Variants in ECT2 observed in about 807,000 individuals in gnomAD.
ECT2 encodes the protein epithelial cell transforming 2.
Under a neutral mutation model 116.9 loss-of-function variants are expected in ECT2, and 61 were observed. That is an observed-to-expected ratio of 0.52 (90% confidence interval 0.42 to 0.65). The LOEUF (loss-of-function observed/expected upper bound fraction) is 0.65. Ranked by LOEUF, ECT2 falls within the 30% of genes least tolerant of loss-of-function variation. ECT2 has a pLI of 0.00. For synonymous variants in ECT2, 358 were observed against 346.4 expected, an observed-to-expected ratio of 1.03 and a Z score of -0.37; for missense variants, 937 against 1,078.7, an observed-to-expected ratio of 0.87 and a Z score of 1.84.
chr3:172,776,789 A>G (rs892603795), intron 14 of ECT2, among the ~76,000 whole-genome samples: 3 of 152,162 alleles, frequency 2.0e-5, no homozygotes, highest in Admixed American at 1.3e-4. Context: ...TATCATCTCA[A>G]TAACAGCATT....
rs753570358 is a variant in ECT2, at chr3:172,773,572, G to C, written c.1429-331G>C. Among the ~76,000 whole-genome samples, 104 of 152,132 alleles carry C rather than the reference G, an allele frequency of 6.8e-4. 2 individuals carry two copies. The highest frequency in any genetic ancestry group is 2.5e-4 in the Non-Finnish European group (17 of 68,014). On this transcript the variant is annotated intron_variant, in intron 13 of 24. Transcript: ENST00000392692. ...GTCTGGAGGCAGCAGATTGCTTGTT[G>C]CTTTCATCCTTAGTAACTTGAATAC...
Position 172,788,146 on chromosome 3 carries a change from G to A in ECT2, c.1907+1572G>A, listed in dbSNP as rs566056699. The stretch of plus-strand genomic sequence containing the variant: ...AGAATTTTACCAGATCTAAATTCTC[G>A]AGATTCTTGAACATTTAGCCTAGAG... On this transcript the variant is annotated intron_variant, in intron 18 of 24. Transcript: ENST00000392692. 2.9e-4 allele frequency among the ~76,000 whole-genome samples: 44 copies of A among 152,178 alleles called. No individual in the cohort carries two copies. In the South Asian group the frequency reaches 5.2e-3, roughly 18 times the overall value.
chr3:172,759,115 TAAATTA>T, intron 6 of ECT2, 46 bp downstream of exon 6: 1 of 1,375,224 alleles, frequency 7.3e-7, no homozygotes, highest in East Asian at 2.3e-5. Context: ...TACAGCAAAA[TAAATTA>T]AAATTGGCTT....
chr3:172,774,712 C>T (rs1721335523), intron 14 of ECT2, among the ~76,000 whole-genome samples: 1 of 152,118 alleles, frequency 6.6e-6, no homozygotes, highest in East Asian at 1.9e-4. Flanking sequence ...CTGTGTTGCC[C>T]AGGCTGGTCT....
chr3:172,785,836 C>T (rs1181622650), intron 17 of ECT2, among the ~76,000 whole-genome samples: 3 of 152,148 alleles, frequency 2.0e-5, no homozygotes, highest in African/African-American at 7.2e-5. Flanking sequence ...CTTTAGGTTT[C>T]CAAAACATTG....
At chr3:172,770,822 GA>G (rs1383656545) in intron 13 of ECT2, among the ~76,000 whole-genome samples, 9 of 151,814 alleles carry the variant, frequency 5.9e-5, no homozygotes, top group Admixed American at 5.9e-4. Context: ...AAGTGTTAAA[GA>G]TTTTTTTTTT....
intron 20 of ECT2, among the ~76,000 whole-genome samples, chr3:172,803,743 C>T (rs1560011113): frequency 6.6e-6 from 1 of 151,880 alleles, no homozygotes; most frequent in Non-Finnish European, 1.5e-5. Context: ...TAAGGAGTTT[C>T]CTTTTCTTTT....
At chr3:172,779,760 G>A (rs1722362058) in intron 14 of ECT2, among the ~76,000 whole-genome samples, 1 of 152,042 alleles carries the variant, frequency 6.6e-6, no homozygotes, top group African/African-American at 2.4e-5. Context: ...AAAACAGCTG[G>A]CTGTGGTGGC....
At chr3:172,784,570 T>G in intron 16 of ECT2, 137 bp from the exon 17 acceptor site, 2 of 621,574 alleles carry the variant, frequency 3.2e-6, no homozygotes, top group Non-Finnish European at 5.6e-6. Flanking sequence ...AGCCAAGTAA[T>G]CAGCCACGGA....
rs574377311 is a variant in ECT2, at chr3:172,777,601, A to G, written c.1548+3579A>G. 7.2e-5 allele frequency among the ~76,000 whole-genome samples: 11 copies of G among 152,300 alleles called. No individual in the cohort carries two copies. In the East Asian group the frequency reaches 2.1e-3, roughly 29 times the overall value. On this transcript the variant is annotated intron_variant, in intron 14 of 24. Transcript: ENST00000392692. Reference sequence around the variant, plus strand: ...ATTAAACATCATTAATCCTTGATGTACAATTTTCTGCTCTTAGCTTGGCAC... The same window carrying G: ...ATTAAACATCATTAATCCTTGATGTGCAATTTTCTGCTCTTAGCTTGGCAC...
At chr3:172,781,801 T>TA (rs1422560836) in intron 14 of ECT2, among the ~76,000 whole-genome samples, 3 of 152,168 alleles carry the variant, frequency 2.0e-5, no homozygotes, top group African/African-American at 7.2e-5. Context: ...TTAAATAAAT[T>TA]AAAAAAACCT....
At chr3:172,775,013 C>G (rs1357873980) in intron 14 of ECT2, among the ~76,000 whole-genome samples, 1 of 152,208 alleles carries the variant, frequency 6.6e-6, no homozygotes, top group Non-Finnish European at 1.5e-5. Context: ...AGTCCCTTCT[C>G]CATTTATAGG....
chr3:172,764,068 A>G (rs1718853087), intron 11 of ECT2, among the ~76,000 whole-genome samples: 1 of 152,230 alleles, frequency 6.6e-6, no homozygotes, highest in African/African-American at 2.4e-5. Flanking sequence ...GTGGCTATGA[A>G]GAAAAATGAG....
At position 172,755,627 on chromosome 3, in the gene ECT2, A is replaced by G. The variant is rs1283215095; in HGVS notation, c.303+52A>G. 3.1e-6 allele frequency: 3 copies of G among 966,766 alleles called. No homozygotes were observed. The Middle Eastern group carries it at 6.8e-4, about 219-fold the overall frequency. The allele number at this position is 966,766 out of a possible 1,614,324, so 59.9% of individuals were successfully genotyped here. On this transcript the variant is annotated intron_variant, in intron 4 of 24. Coordinates refer to ENST00000392692, the MANE Select transcript of ECT2 (RefSeq NM_001258315.2). ...GGCATGCTGCACTTCCCTTGATTGT[A>G]TTATTCTACTTTCTGGTGATTGGAA... is the stretch of plus-strand genomic sequence containing the variant.
chr3:172,789,339 G>T (rs1205843481), intron 18 of ECT2, among the ~76,000 whole-genome samples: 2 of 151,714 alleles, frequency 1.3e-5, no homozygotes, highest in Non-Finnish European at 2.9e-5. Context: ...GAGTAGCCGG[G>T]ATTACAGATG....
chr3:172,781,216 A>G (rs953087756), intron 14 of ECT2, among the ~76,000 whole-genome samples: 2 of 152,214 alleles, frequency 1.3e-5, no homozygotes, highest in African/African-American at 2.4e-5. Flanking sequence ...AACAAAAATA[A>G]TTAGTAAGGG....
chr3:172,763,914 G>A (rs1718818319), intron 11 of ECT2, among the ~76,000 whole-genome samples: 1 of 152,196 alleles, frequency 6.6e-6, no homozygotes. Flanking sequence ...GTGTTACTCA[G>A]CACATATTGG....
At position 172,802,647 on chromosome 3, in the gene ECT2, G is replaced by A; in HGVS notation, c.1939G>A (p.Ala647Thr). 2 of 1,602,196 alleles carry A rather than the reference G, an allele frequency of 1.2e-6. No homozygotes were observed. Among genetic ancestry groups the A allele is most frequent in the Non-Finnish European group, 1.7e-6 (2 of 1,174,104 alleles). The change falls in exon 19 of 25, where the codon GCT (alanine) becomes ACT (threonine). Residue 647 changes from alanine (A) to threonine (T), a missense_variant. By Grantham distance (58) the Ala-to-Thr change is moderately conservative. Transcript: ENST00000392692. ...TAATGAGGATAAGAGAAAAACAGAA[G>A]CTCAAAAGCAAATTTTTGATGTTGT... ...HINEDKRKTE[A>T]QKQIFDVVYE...
At chr3:172,774,211 G>GT (rs759533963) in intron 14 of ECT2, among the ~76,000 whole-genome samples, 189 bp downstream of exon 14, 3 of 151,840 alleles carry the variant, frequency 2.0e-5, no homozygotes, top group Admixed American at 6.6e-5. Flanking sequence ...CTTTTGTTTT[G>GT]TTTTTTGAGA....
Sources: gnomAD v4.1 joint callset for allele counts (sites outside exome capture counted in the v4.1 genomes callset) on GRCh38, gnomAD v4.1.1 for gene constraint, MANE v1.5 for transcripts, NCBI Gene and HGNC (gene_info 2026-07-23, HGNC 2026-07-21) for gene names.